RALY: variants seen among roughly 807,000 people sequenced by gnomAD.
The protein encoded by RALY is RNA-binding protein Raly.
In RALY, 15 loss-of-function variants were observed where a neutral mutation model predicts 30.7. The observed-to-expected ratio is 0.49, with a 90% CI of 0.33 to 0.75. RALY has a LOEUF of 0.75. Among genes scored for constraint, RALY ranks in the 30% least tolerant of loss-of-function variants. The pLI is 0.02. For missense variants in RALY, 339 were observed against 414.3 expected (o/e 0.82, Z 1.58); for synonymous variants, 177 against 170.8 (o/e 1.04, Z -0.28).
chr20:34,002,415 A>T (rs1226648244), intron 1 of RALY, among the ~76,000 whole-genome samples: 2 of 152,204 alleles, frequency 1.3e-5, no homozygotes, highest in East Asian at 3.8e-4. Flanking sequence ...TCTTATGGAA[A>T]ACATAAAAAC....
rs375332496 is a variant in RALY at position 34,077,110 on chromosome 20, C to T, written c.741C>T (p.Gly247=). Residue 247 remains glycine, a synonymous_variant, in exon 8 of 10, where the codon GGC becomes GGT. Coordinates refer to ENST00000246194, the MANE Select transcript of RALY (RefSeq NM_016732.3). ...GCGGTGGCGGTGGCAGTGGTGGTGG[C>T]GGTGGCGGTGGCAGCAGCCGGCCAC... ...GGSGGGGSGG[G]GGGGSSRPPA... is the part of the protein sequence containing the mutation. The T allele has an allele frequency of 5.6e-5, 89 of 1,599,672 alleles. No homozygotes were observed. The highest frequency in any genetic ancestry group is 8.0e-5 in the African/African-American group (6 of 74,682).
At position 34,020,957 on chromosome 20, in the gene RALY, T is replaced by C. The variant is rs6059633; in HGVS notation, c.-92-10565T>C. On this transcript the variant is annotated intron_variant, in intron 1 of 9. Coordinates refer to ENST00000246194, the MANE Select transcript of RALY (RefSeq NM_016732.3). ...AAAGTCATTGTCTTTTTCTTTTTTTTTTTTAATTAGTTTATTTTTTTTGAG... is the reference window on the plus strand; with the variant it reads ...AAAGTCATTGTCTTTTTCTTTTTTTCTTTTAATTAGTTTATTTTTTTTGAG... 1.6e-3 allele frequency among the ~76,000 whole-genome samples: 248 copies of C among 152,140 alleles called. 2 individuals are homozygous for C. Among genetic ancestry groups the C allele is most frequent in the African/African-American group, 5.6e-3 (233 of 41,534 alleles).
chr20:33,996,540 C>T (rs1051548646), intron 1 of RALY, among the ~76,000 whole-genome samples: 5 of 151,978 alleles, frequency 3.3e-5, no homozygotes, highest in Admixed American at 2.6e-4. Context: ...CATTACCTGC[C>T]TCAGGGTCAT....
chr20:34,057,542 C>T (rs1335488305), intron 2 of RALY, among the ~76,000 whole-genome samples: 2 of 151,932 alleles, frequency 1.3e-5, no homozygotes, highest in African/African-American at 2.4e-5. Context: ...TGGCGGGCGC[C>T]TGTAGTCCCA....
intron 2 of RALY, among the ~76,000 whole-genome samples, chr20:34,064,503 C>T (rs546032945): frequency 2.8e-4 from 43 of 152,234 alleles, no homozygotes; most frequent in Middle Eastern, 3.4e-3. Flanking sequence ...CTGGTGGTTC[C>T]GTCCTCTCCC....
intron 2 of RALY, among the ~76,000 whole-genome samples, chr20:34,032,908 G>T (rs2032339266): frequency 6.6e-6 from 1 of 152,164 alleles, no homozygotes; most frequent in African/African-American, 2.4e-5. Flanking sequence ...TTGAGGGGCT[G>T]AACAGGGCAG....
chr20:34,070,361 C>T (rs1377270909), intron 2 of RALY, among the ~76,000 whole-genome samples: 3 of 152,148 alleles, frequency 2.0e-5, no homozygotes, highest in Non-Finnish European at 4.4e-5. Context: ...AGCTTCTCTC[C>T]TTTCCCCTTT....
At chr20:34,043,176 C>G (rs906940366) in intron 2 of RALY, among the ~76,000 whole-genome samples, 1 of 152,196 alleles carries the variant, frequency 6.6e-6, no homozygotes, top group African/African-American at 2.4e-5. Flanking sequence ...TTTGCTAATC[C>G]TAGACTTGCT....
chr20:34,065,380 A>G (rs1037850904), intron 2 of RALY, among the ~76,000 whole-genome samples: 2 of 152,242 alleles, frequency 1.3e-5, no homozygotes, highest in African/African-American at 4.8e-5. Flanking sequence ...TCACATGACT[A>G]AGAACAGCAG....
intron 1 of RALY, among the ~76,000 whole-genome samples, chr20:34,018,367 T>G (rs2031686083): frequency 6.6e-6 from 1 of 152,192 alleles, no homozygotes; most frequent in Non-Finnish European, 1.5e-5. Context: ...TGCAGAGGTG[T>G]TGTGGTTCTT....
chr20:34,077,411 G>A, intron 8 of RALY, 166 bp downstream of exon 8: 1 of 1,455,438 alleles, frequency 6.9e-7, no homozygotes, highest in Non-Finnish European at 9.2e-7. Context: ...TGAGCAGGGG[G>A]CACTTGCCTA....
chr20:34,012,372 T>C (rs1008104632), intron 1 of RALY, among the ~76,000 whole-genome samples: 3 of 152,214 alleles, frequency 2.0e-5, no homozygotes, highest in African/African-American at 7.2e-5. Context: ...CCTAGAAAGA[T>C]GTAGAAGACA....
intron 5 of RALY, among the ~76,000 whole-genome samples, chr20:34,074,976 G>C (rs764597336): frequency 1.3e-5 from 2 of 152,108 alleles, no homozygotes; most frequent in African/African-American, 2.4e-5. Flanking sequence ...TTACCCCCTG[G>C]GCTGCGATTC....
intron 2 of RALY, among the ~76,000 whole-genome samples, chr20:34,061,378 C>CT (rs1379123415): frequency 1.3e-5 from 2 of 152,148 alleles, no homozygotes; most frequent in Admixed American, 6.5e-5. Context: ...ACACCAATGT[C>CT]TAAAAACAAT....
At chr20:34,002,209 A>G (rs549712244) in intron 1 of RALY, among the ~76,000 whole-genome samples, 59 of 152,208 alleles carry the variant, frequency 3.9e-4, no homozygotes, top group Non-Finnish European at 7.6e-4. Context: ...GCACAAGAAT[A>G]ACTTCTCTTC....
chr20:34,055,736 A>G (rs368954978), intron 2 of RALY, among the ~76,000 whole-genome samples: 2 of 152,222 alleles, frequency 1.3e-5, no homozygotes, highest in South Asian at 2.1e-4. Flanking sequence ...ATGCCTTGCT[A>G]TTATATTGAT....
intron 5 of RALY, among the ~76,000 whole-genome samples, chr20:34,074,877 G>T (rs1435417948): frequency 2.0e-5 from 3 of 152,152 alleles, no homozygotes; most frequent in Admixed American, 1.3e-4. Context: ...CCAGGAAGGG[G>T]CTCCCTGAAC....
intron 1 of RALY, among the ~76,000 whole-genome samples, chr20:34,009,756 A>G (rs143989582): frequency 4.8e-4 from 73 of 152,126 alleles, no homozygotes; most frequent in African/African-American, 1.7e-3. Context: ...TAGACAGCAT[A>G]TTTGTTCTCA....
intron 1 of RALY, among the ~76,000 whole-genome samples, chr20:34,026,835 AGATATTCGGTT>A (rs1306316024): frequency 5.9e-5 from 9 of 152,188 alleles, no homozygotes; most frequent in African/African-American, 2.2e-4. Flanking sequence ...ACAGATTAGT[AGATATTCGGTT>A]GATATTCATA....
Sources: gnomAD v4.1 joint callset for allele counts (sites outside exome capture counted in the v4.1 genomes callset) on GRCh38, gnomAD v4.1.1 for gene constraint, MANE v1.5 for transcripts, NCBI Gene and HGNC (gene_info 2026-07-23, HGNC 2026-07-21) for gene names.